The following PRDM10 variants were observed in gnomAD, a reference collection of about 807,000 sequenced individuals.
PRDM10 encodes PR/SET domain 10.
In PRDM10, 65 loss-of-function variants were observed where a neutral mutation model predicts 133.1. The ratio of observed to expected loss-of-function variants is 0.49; its 90% CI spans 0.40 to 0.60. PRDM10 has a LOEUF of 0.60. Among genes scored for constraint, PRDM10 ranks in the 20% least tolerant of loss-of-function variants. The pLI is 0.00. For missense variants in PRDM10, 1,137 were observed against 1,507.1 expected, an observed-to-expected ratio of 0.75 and a Z score of 4.07; for synonymous variants, 582 against 580.4, an observed-to-expected ratio of 1.00 and a Z score of -0.04.
intron 4 of PRDM10, among the ~76,000 whole-genome samples, chr11:129,953,381 A>G (rs1206439208): frequency 7.1e-6 from 1 of 140,076 alleles, no homozygotes; most frequent in Non-Finnish European, 1.6e-5. Flanking sequence ...GCAACCTCCA[A>G]CTCCCTGGTT....
intron 2 of PRDM10, 123 bp downstream of exon 2, chr11:129,960,773 A>AG (rs1951780993): frequency 1.1e-6 from 1 of 950,680 alleles, no homozygotes; most frequent in South Asian, 1.5e-5. Context: ...CTTGTGTACG[A>AG]GTTCTTCATG....
chr11:129,966,147 G>C (rs1951902810), intron 1 of PRDM10, among the ~76,000 whole-genome samples: 1 of 152,100 alleles, frequency 6.6e-6, no homozygotes. Flanking sequence ...GGGAGGCTGA[G>C]GCGGGAGAAT....
At chr11:129,933,928 G>C (rs997241905) in intron 9 of PRDM10, among the ~76,000 whole-genome samples, 2 of 152,062 alleles carry the variant, frequency 1.3e-5, no homozygotes, top group African/African-American at 2.4e-5. Flanking sequence ...ACTCCCTCTA[G>C]TACCCAGCAC....
chr11:129,970,608 G>C (rs1951999557), intron 1 of PRDM10, among the ~76,000 whole-genome samples: 1 of 150,408 alleles, frequency 6.6e-6, no homozygotes, highest in African/African-American at 2.5e-5. Flanking sequence ...GCAGTGGCAC[G>C]ATCTCAGCTC....
At position 129,918,626 on chromosome 11, in the gene PRDM10, G is replaced by C. The variant is rs149385484; in HGVS notation, c.2127C>G (p.Phe709Leu). ...KADRISRSKT[F>L]KPRITSTDYD... ...AGTCTGTGGACGTGATGCGGGGCTT[G>C]AACGTCTTGGAGCGGCTGATGCGGT... The change falls in exon 14 of 21, where the codon TTC (phenylalanine) becomes TTG (leucine). Residue 709 changes from phenylalanine to leucine, a missense_variant. This residue lies in a region of PRDM10 where 78 missense variants were observed against 96.4 expected (regional missense o/e 0.81). Coordinates refer to ENST00000360871, the MANE Select transcript of PRDM10 (RefSeq NM_199437.2). The surrounding 1 kb of genome is among the most constrained non-coding windows in gnomAD (Gnocchi z 5.3). The C allele has an allele frequency of 8.1e-5, 130 of 1,614,100 alleles. 1 individual carries two copies. Among genetic ancestry groups the C allele is most frequent in the Non-Finnish European group, 8.4e-5 (99 of 1,180,048 alleles).
chr11:129,942,324 C>CTTTTT, intron 7 of PRDM10, 102 bp downstream of exon 7: 2 of 1,252,266 alleles, frequency 1.6e-6, no homozygotes, highest in Non-Finnish European at 2.2e-6. Flanking sequence ...CCCCCTCCCC[C>CTTTTT]TTTTTTGTTA....
chr11:129,958,051 G>C, intron 2 of PRDM10, 141 bp from the exon 3 acceptor site: 1 of 959,100 alleles, frequency 1.0e-6, no homozygotes, highest in Non-Finnish European at 1.5e-6. Context: ...TGGTGACTAG[G>C]GGAGGATGCA....
chr11:129,915,631 C>A, intron 16 of PRDM10, 29 bp downstream of exon 16: 2 of 1,541,216 alleles, frequency 1.3e-6, no homozygotes, highest in Non-Finnish European at 1.7e-6. Flanking sequence ...GCGGTTTTGA[C>A]CTTAGCTTTA....
Position 129,918,939 on chromosome 11 carries a change from C to T in PRDM10, c.2035-221G>A, listed in dbSNP as rs926021916. ...TCCAATGAACCTTGGTTTAAAATGA[C>T]CATTAAATAGGAAAGATACATACCG... On this transcript the variant is annotated intron_variant, in intron 13 of 20. Transcript: ENST00000360871. This position sits in a 1 kb window ranked among gnomAD's most constrained non-coding sequence, Gnocchi z 5.3. Among the ~76,000 whole-genome samples, 1 of 151,958 alleles carries T rather than the reference C, an allele frequency of 6.6e-6. No homozygotes were observed. The highest frequency in any genetic ancestry group is 1.5e-5 in the Non-Finnish European group (1 of 68,014).
chr11:129,909,916 C>A (rs564485802), intron 19 of PRDM10, among the ~76,000 whole-genome samples: 1 of 152,308 alleles, frequency 6.6e-6, no homozygotes, highest in Non-Finnish European at 1.5e-5. Context: ...TTCCAATCCT[C>A]TGTTTACTAG....
At position 129,917,244 on chromosome 11, in the gene PRDM10, G is replaced by A. The variant is rs1484461019; in HGVS notation, c.2215-7C>T. 40 of 1,593,508 alleles carry A rather than the reference G, an allele frequency of 2.5e-5. No homozygotes were observed. Among genetic ancestry groups the A allele is most frequent in the Non-Finnish European group, 3.4e-5 (39 of 1,163,452 alleles). On this transcript the variant is annotated splice_polypyrimidine_tract_variant and splice_region_variant and intron_variant, in intron 14 of 20. Transcript: ENST00000360871. ...TCTTCGATAAGTGATTTACCTAAAG[G>A]GAAAAGAAAGAACCAATGAGAAAAA... is the stretch of plus-strand genomic sequence containing the variant.
At chr11:129,990,478 T>G (rs1291161287) in intron 1 of PRDM10, among the ~76,000 whole-genome samples, 1 of 131,178 alleles carries the variant, frequency 7.6e-6, no homozygotes, top group Non-Finnish European at 1.5e-5. Context: ...GCAGAGATGG[T>G]GCCACTGCAC....
At chr11:130,002,030 G>A (rs1303985632) in intron 1 of PRDM10, among the ~76,000 whole-genome samples, 1 of 151,662 alleles carries the variant, frequency 6.6e-6, no homozygotes, top group Non-Finnish European at 1.5e-5. Flanking sequence ...GCAAGTGGGC[G>A]GCGCGGCCTC....
chr11:129,937,511 CA>C (rs878965386), intron 8 of PRDM10, 86 bp downstream of exon 8: 5,581 of 1,077,506 alleles, frequency 5.2e-3, no homozygotes, highest in South Asian at 8.0e-3. Context: ...TATACTGAGA[CA>C]AAAAAAAAAT....
At chr11:129,957,543 T>C (rs1006444637) in intron 3 of PRDM10, among the ~76,000 whole-genome samples, 4 of 152,104 alleles carry the variant, frequency 2.6e-5, no homozygotes, top group African/African-American at 9.7e-5. Flanking sequence ...GGTCTTGAAC[T>C]CCTGACCTCA....
At chr11:129,969,563 G>A (rs1446930606) in intron 1 of PRDM10, among the ~76,000 whole-genome samples, 1 of 151,840 alleles carries the variant, frequency 6.6e-6, no homozygotes, top group African/African-American at 2.4e-5. Context: ...GGAGGCCAAG[G>A]TGGGCGGATC....
intron 13 of PRDM10, among the ~76,000 whole-genome samples, chr11:129,922,004 C>A (rs1950535571): frequency 7.2e-5 from 11 of 152,208 alleles, no homozygotes; most frequent in Admixed American, 7.2e-4. Flanking sequence ...CATTTGACCA[C>A]CCAGACCAGT....
chr11:129,919,865 C>T (rs1444345687), intron 13 of PRDM10, among the ~76,000 whole-genome samples: 1 of 152,186 alleles, frequency 6.6e-6, no homozygotes, highest in East Asian at 1.9e-4. Flanking sequence ...TGCTGGGCCT[C>T]CCTCACCCAC....
At chr11:129,917,554 T>G (rs1307896159) in intron 14 of PRDM10, among the ~76,000 whole-genome samples, 1 of 152,270 alleles carries the variant, frequency 6.6e-6, no homozygotes, top group African/African-American at 2.4e-5. Flanking sequence ...TGAATTTCTT[T>G]GGTGAGTTCT....
Sources: allele counts gnomAD v4.1 joint callset (sites outside exome capture counted in the v4.1 genomes callset), GRCh38; gene constraint gnomAD v4.1.1; regional missense constraint gnomAD v4.1.1; non-coding constraint Gnocchi (gnomAD v3.1); transcripts MANE v1.5; gene names NCBI Gene and HGNC (gene_info 2026-07-23, HGNC 2026-07-21).